The following ZNF688 variants were observed in gnomAD, a reference collection of about 807,000 sequenced individuals.
The protein encoded by ZNF688 is zinc finger protein 688.
ZNF688 carries 10 observed loss-of-function variants against 13.2 expected under a neutral mutation model. The observed-to-expected ratio is 0.76, with a 90% CI of 0.47 to 1.28. ZNF688 has a LOEUF of 1.28. ZNF688 is among the 50% of genes most tolerant of loss of function. ZNF688 has a pLI of 0.00. For synonymous variants in ZNF688, 160 were observed against 159.4 expected (o/e 1.00, Z -0.03); for missense variants, 381 against 391.4 (o/e 0.97, Z 0.22).
chr16:30,577,090 T>A (rs2051754339), upstream of ZNF688, among the ~76,000 whole-genome samples: 1 of 151,876 alleles, frequency 6.6e-6, no homozygotes, highest in South Asian at 2.1e-4. Context: ...TGAAACAGAG[T>A]CTCACTCTGT....
In ZNF688 at chr16:30,570,180, G is replaced by A. The variant is rs2051648484; in HGVS notation, c.567C>T (p.Gly189=). 1.2e-6 allele frequency: 2 copies of A among 1,610,778 alleles called. No individual in the cohort carries two copies. Among genetic ancestry groups the A allele is most frequent in the East Asian group, 2.2e-5 (1 of 44,842 alleles). The change falls in exon 3 of 3, where the codon GGC becomes GGT. Residue 189 remains glycine (G), a synonymous_variant. Coordinates refer to ENST00000223459, the MANE Select transcript of ZNF688 (RefSeq NM_145271.4). ...GQRRHVCTDC[G]RRFTYPSLLV... ...GCAGTGAGGGGTAGGTGAAGCGGCG[G>A]CCGCAGTCCGTGCACACGTGGCGCC...
rs766999646 is a variant in ZNF688, at chr16:30,571,610, G to A, written c.20C>T (p.Pro7Leu). 9 of 1,491,930 alleles carry A rather than the reference G, an allele frequency of 6.0e-6. No homozygotes were observed. The East Asian group carries it at 1.3e-4, about 22-fold the overall frequency. 92.4% of individuals were successfully genotyped at this position (1,491,930 alleles called of 1,614,324 possible). ...CTCCCCGGGCCTCGGCGCCAGGAGC[G>A]GGGCTGGGGGCGGCGCCATGGGGCC... MAPPPA[P>L]LLAPRPGETR... The change falls in exon 1 of 3, where the codon CCG (proline) becomes CTG (leucine). Residue 7 changes from proline (P) to leucine (L), a missense_variant. Physicochemically the swap from Pro to Leu is moderately conservative, Grantham distance 98 (BLOSUM62 -3). Coordinates refer to ENST00000223459, the MANE Select transcript of ZNF688 (RefSeq NM_145271.4).
At chr16:30,571,971 C>A (rs922800335), upstream of ZNF688, 3 of 1,324,602 alleles carry the variant, frequency 2.3e-6, no homozygotes, top group Admixed American at 6.9e-5. Flanking sequence ...AAATATGGAG[C>A]CTTTCTGACT....
At chr16:30,574,294 C>T (rs1007632096), upstream of ZNF688, among the ~76,000 whole-genome samples, 5 of 151,922 alleles carry the variant, frequency 3.3e-5, no homozygotes, top group African/African-American at 1.2e-4. Context: ...GCCTGTAATC[C>T]CAACACTTTG....
At chr16:30,570,648 G>A (rs958074912) in intron 2 of ZNF688, 1 of 569,364 alleles carries the variant, frequency 1.8e-6, no homozygotes, top group African/African-American at 1.9e-5. Context: ...AATGGCTTTT[G>A]ACTTCACAGC....
At chr16:30,574,245 C>G (rs574137375), upstream of ZNF688, among the ~76,000 whole-genome samples, 1 of 150,418 alleles carries the variant, frequency 6.6e-6, no homozygotes, top group East Asian at 2.0e-4. Context: ...GACCCCGTCT[C>G]AAAAAGAAAA....
chr16:30,570,933 G>C (rs750477950), intron 2 of ZNF688, 77 bp downstream of exon 2: 18 of 1,436,528 alleles, frequency 1.3e-5, no homozygotes, highest in Non-Finnish European at 1.2e-5. Flanking sequence ...GATGCTGGAA[G>C]TGGGGGCCTG....
the ZNF688 span, chr16:30,579,756 C>A: frequency 2.2e-6 from 1 of 453,678 alleles, no homozygotes. Flanking sequence ...AGTCACTGAC[C>A]ACCAGTCCTG....
At chr16:30,572,362 G>A, upstream of ZNF688, 1 of 1,362,768 alleles carries the variant, frequency 7.3e-7, no homozygotes, top group Non-Finnish European at 9.5e-7. Flanking sequence ...GACCCCTTGG[G>A]AAGACGCGCA....
Position 30,571,616 on chromosome 16 carries a change from G to A in ZNF688, c.14C>T (p.Pro5Leu). 1 of 1,486,178 alleles carries A rather than the reference G, an allele frequency of 6.7e-7. No homozygotes were observed. The highest frequency in any genetic ancestry group is 8.9e-7 in the Non-Finnish European group (1 of 1,121,208). The allele number at this position is 1,486,178 out of a possible 1,614,324, so 92.1% of individuals were successfully genotyped here. A position where few individuals can be genotyped will look rare whatever the true frequency, so the allele number is the denominator to read the frequency against. ...GGGCCTCGGCGCCAGGAGCGGGGCT[G>A]GGGGCGGCGCCATGGGGCCTCGCAG... MAPP[P>L]APLLAPRPGE... Residue 5 changes from proline (P) to leucine (L), a missense_variant, in exon 1 of 3, where the codon CCA becomes CTA. Pro to Leu is a moderately conservative substitution (Grantham distance 98, BLOSUM62 -3). Coordinates refer to ENST00000223459, the MANE Select transcript of ZNF688 (RefSeq NM_145271.4).
At chr16:30,577,758 C>G in the ZNF688 span, among the ~76,000 whole-genome samples, 4 of 151,538 alleles carry the variant, frequency 2.6e-5, no homozygotes, top group East Asian at 7.8e-4. Context: ...TCTCGGCTCA[C>G]TGCAACCTCT....
chr16:30,578,174 TACAAAAA>T, the ZNF688 span, among the ~76,000 whole-genome samples: 2 of 151,958 alleles, frequency 1.3e-5, no homozygotes, highest in Non-Finnish European at 2.9e-5. Flanking sequence ...GTACAAAAAA[TACAAAAA>T]TTAGCTGGGC....
the ZNF688 span, chr16:30,579,805 C>G: frequency 2.2e-6 from 1 of 456,032 alleles, no homozygotes; most frequent in Admixed American, 2.4e-5. Context: ...CTCTTTTGTT[C>G]ATTCCTTCAA....
At chr16:30,572,963 A>G (rs143449843), upstream of ZNF688, among the ~76,000 whole-genome samples, 40 of 152,068 alleles carry the variant, frequency 2.6e-4, no homozygotes, top group East Asian at 7.5e-3. Flanking sequence ...CTGGAGTGCA[A>G]TGGCGCTATC....
At chr16:30,570,830 C>A in intron 2 of ZNF688, 180 bp downstream of exon 2, 1 of 707,642 alleles carries the variant, frequency 1.4e-6, no homozygotes, top group Non-Finnish European at 2.5e-6. Context: ...GGCTCCCAGT[C>A]CTCACAGGAC....
Position 30,570,197 on chromosome 16 carries a change from C to G in ZNF688, c.550G>C (p.Val184Leu), listed in dbSNP as rs763225317. ...MDAQAGQRRH[V>L]CTDCGRRFTY... ...AAGCGGCGGCCGCAGTCCGTGCACA[C>G]GTGGCGCCGCTGGCCGGCCTGAGCA... The change falls in exon 3 of 3, where the codon GTG becomes CTG. Residue 184 changes from valine (V) to leucine (L), a missense_variant. Coordinates refer to ENST00000223459, the MANE Select transcript of ZNF688 (RefSeq NM_145271.4). 3 of 1,611,820 alleles carry G rather than the reference C, an allele frequency of 1.9e-6. No individual in the cohort carries two copies. Among genetic ancestry groups the G allele is most frequent in the Non-Finnish European group, 2.5e-6 (3 of 1,179,296 alleles).
the ZNF688 span, chr16:30,579,909 C>T: frequency 2.2e-6 from 1 of 452,066 alleles, no homozygotes; most frequent in Admixed American, 2.4e-5. Flanking sequence ...TTTTTTGAGA[C>T]TGGAGTCTCA....
upstream of ZNF688, chr16:30,572,518 G>C (rs2051702921): frequency 2.5e-6 from 1 of 406,698 alleles, no homozygotes; most frequent in Non-Finnish European, 4.3e-6. Flanking sequence ...GAACGTGCTT[G>C]GTGAGGATGG....
upstream of ZNF688, among the ~76,000 whole-genome samples, chr16:30,576,511 C>A (rs886788294): frequency 6.6e-6 from 1 of 151,796 alleles, no homozygotes. Flanking sequence ...CGCCCAGCCA[C>A]CCAGCTAATT....
Sources: allele counts gnomAD v4.1 joint callset (sites outside exome capture counted in the v4.1 genomes callset), GRCh38; gene constraint gnomAD v4.1.1; transcripts MANE v1.5; gene names NCBI Gene and HGNC (gene_info 2026-07-23, HGNC 2026-07-21).